CPAP: variants seen among roughly 807,000 people sequenced by gnomAD.
CPAP encodes the protein centrosomal P4.1-associated protein.
At chr13:24,883,312 C>G in the CPAP span, 1 of 1,613,856 alleles carries the variant, frequency 6.2e-7, no homozygotes, top group African/African-American at 1.3e-5. Flanking sequence ...GTCTCTTGAA[C>G]TGGGCAGTAT....
the CPAP span, chr13:24,909,775 A>G: frequency 6.2e-7 from 1 of 1,605,666 alleles, no homozygotes; most frequent in African/African-American, 1.3e-5. Context: ...GAAGAGAGAA[A>G]CATAAGTAGC....
the CPAP span, chr13:24,904,136 AG>A: frequency 6.7e-7 from 1 of 1,495,312 alleles, no homozygotes; most frequent in East Asian, 2.3e-5. Context: ...AGTAACACTA[AG>A]AGCCAAGAAT....
chr13:24,883,970 C>T, the CPAP span: 1 of 1,614,132 alleles, frequency 6.2e-7, no homozygotes, highest in Non-Finnish European at 8.5e-7. Flanking sequence ...TACCGTTGTA[C>T]TCTGACAATT....
At chr13:24,927,062 C>T in the CPAP span, among the ~76,000 whole-genome samples, 216 of 152,198 alleles carry the variant, frequency 1.4e-3, no homozygotes, top group Non-Finnish European at 2.3e-3. Flanking sequence ...AGAAAATTGT[C>T]GGCACTGGAG....
At chr13:24,900,867 C>T in the CPAP span, among the ~76,000 whole-genome samples, 1 of 152,184 alleles carries the variant, frequency 6.6e-6, no homozygotes, top group Non-Finnish European at 1.5e-5. Flanking sequence ...TCAAGCATGA[C>T]TCCAAGATTT....
the CPAP span, chr13:24,885,764 CTGCTGTCCTTTATCCATTAGT>C: frequency 1.1e-6 from 1 of 882,812 alleles, no homozygotes; most frequent in Non-Finnish European, 1.9e-6. Context: ...ATCCTGTGAA[CTGCTGTCCTTTATCCATTAGT>C]TAAGGATGTC....
chr13:24,891,447 C>G, the CPAP span, among the ~76,000 whole-genome samples: 2 of 152,188 alleles, frequency 1.3e-5, no homozygotes, highest in Non-Finnish European at 2.9e-5. Context: ...AGCCTGAGTT[C>G]CTGGTGGCCA....
the CPAP span, chr13:24,906,533 TTTTC>T: frequency 4.3e-6 from 7 of 1,614,184 alleles, no homozygotes; most frequent in Non-Finnish European, 5.9e-6. Flanking sequence ...CTCAGTTACA[TTTTC>T]TTTATTATTA....
chr13:24,903,878 T>A, the CPAP span: 1 of 1,587,670 alleles, frequency 6.3e-7, no homozygotes, highest in Non-Finnish European at 8.6e-7. Flanking sequence ...CTTAAAGGTA[T>A]AACTGAGTCA....
At chr13:24,922,258 A>T in the CPAP span, among the ~76,000 whole-genome samples, 1 of 152,220 alleles carries the variant, frequency 6.6e-6, no homozygotes, top group Admixed American at 6.5e-5. Context: ...TACAAACAGC[A>T]AATTCAAAGC....
At chr13:24,903,236 C>G in the CPAP span, among the ~76,000 whole-genome samples, 1 of 152,144 alleles carries the variant, frequency 6.6e-6, no homozygotes, top group Non-Finnish European at 1.5e-5. Context: ...TCCTCTAAAA[C>G]AATATGTTGA....
At chr13:24,883,421 AAAC>A in the CPAP span, 5 of 1,403,738 alleles carry the variant, frequency 3.6e-6, no homozygotes, top group South Asian at 2.6e-5. Flanking sequence ...AATAGAAAAT[AAAC>A]AACAGAAAAA....
chr13:24,890,260 G>GTGT, the CPAP span, among the ~76,000 whole-genome samples: 68 of 152,192 alleles, frequency 4.5e-4, no homozygotes, highest in African/African-American at 1.6e-3. Flanking sequence ...GGATATCCAG[G>GTGT]TGTTAATTGT....
chr13:24,892,252 G>A, the CPAP span, among the ~76,000 whole-genome samples: 1 of 152,194 alleles, frequency 6.6e-6, no homozygotes, highest in Non-Finnish European at 1.5e-5. Context: ...TCCCTGGTCT[G>A]TTTTAACAGA....
the CPAP span, chr13:24,885,445 C>A: frequency 1.6e-6 from 2 of 1,289,718 alleles, no homozygotes; most frequent in Admixed American, 1.7e-5. Flanking sequence ...AAGCCAGATT[C>A]TGATATAGGG....
the CPAP span, chr13:24,889,494 C>A: frequency 1.2e-6 from 1 of 865,446 alleles, no homozygotes; most frequent in Admixed American, 2.0e-5. Context: ...GCTAAGAATG[C>A]TGTGGGTTTT....
At chr13:24,904,067 T>C in the CPAP span, 9 of 1,613,594 alleles carry the variant, frequency 5.6e-6, no homozygotes. Flanking sequence ...ACCTATGAAA[T>C]AGGCCATAAA....
At chr13:24,923,433 C>T in the CPAP span, among the ~76,000 whole-genome samples, 2 of 152,192 alleles carry the variant, frequency 1.3e-5, no homozygotes, top group African/African-American at 2.4e-5. Flanking sequence ...TTTCATCTCT[C>T]CTCAAATGGC....
the CPAP span, among the ~76,000 whole-genome samples, chr13:24,903,396 T>C: frequency 6.6e-6 from 1 of 152,036 alleles, no homozygotes; most frequent in Non-Finnish European, 1.5e-5. Flanking sequence ...GAGAATGCCA[T>C]GTGAAGACAC....
Sources: gnomAD v4.1 joint callset for allele counts (sites outside exome capture counted in the v4.1 genomes callset) on GRCh38, gnomAD v4.1.1 for gene constraint, MANE v1.5 for transcripts, NCBI Gene and HGNC (gene_info 2026-07-23, HGNC 2026-07-21) for gene names.